The following SEPSECS variants were observed in gnomAD, a reference collection of about 807,000 sequenced individuals.
SEPSECS encodes Sep (O-phosphoserine) tRNA:Sec (selenocysteine) tRNA synthase.
SEPSECS carries 42 observed loss-of-function variants against 52.1 expected under a neutral mutation model. The observed-to-expected ratio is 0.81, with a 90% CI of 0.63 to 1.04. The LOEUF is 1.04. SEPSECS is among the 50% of genes least tolerant of loss of function. The pLI is 0.00. For synonymous variants in SEPSECS, 216 were observed against 211.4 expected, an observed-to-expected ratio of 1.02 and a Z score of -0.19; for missense variants, 590 against 610.6, an observed-to-expected ratio of 0.97 and a Z score of 0.36.
Position 25,124,363 on chromosome 4 carries a change from A to G in SEPSECS, c.1212-138T>C, listed in dbSNP as rs1414988578. On this transcript the variant is annotated intron_variant, in intron 10 of 10. Transcript: ENST00000382103. The stretch of plus-strand genomic sequence containing the variant: ...AAACAGCCACAAATCATGGCCTACA[A>G]AAATAGACTGTATCGACTTTAAAAT... 6.7e-6 allele frequency: 5 copies of G among 742,790 alleles called. 1 individual carries two copies. The East Asian group carries it at 1.3e-4, about 20-fold the overall frequency. 46.0% of individuals were successfully genotyped at this position (742,790 alleles called of 1,614,324 possible).
rs796405525 is a variant in SEPSECS at position 25,120,220 on chromosome 4, C to T, written c.*3711G>A. 1.3e-5 allele frequency: 2 copies of T among 152,182 alleles called. No individual in the cohort carries two copies. Among genetic ancestry groups the T allele is most frequent in the African/African-American group, 4.8e-5 (2 of 41,558 alleles). The allele number at this position is 152,182 out of a possible 1,614,324, so 9.4% of individuals were successfully genotyped here. A position where few individuals can be genotyped will look rare whatever the true frequency, so the allele number is the denominator to read the frequency against. On this transcript the variant is annotated 3_prime_UTR_variant, in exon 11 of 11. Coordinates refer to ENST00000382103, the MANE Select transcript of SEPSECS (RefSeq NM_016955.4). ...TTTCTTTGTATTTCTCAAGTTGACA[C>T]CACTTGATAAAAAACAAAACAATAT...
At chr4:25,125,618 T>A in intron 10 of SEPSECS, 76 bp downstream of exon 10, 1 of 879,096 alleles carries the variant, frequency 1.1e-6, no homozygotes, top group Non-Finnish European at 1.9e-6. Flanking sequence ...TGGGGGACTA[T>A]TGTTGAGGAA....
chr4:25,159,521 G>C (rs1377071374), intron 1 of SEPSECS: 9 of 420,724 alleles, frequency 2.1e-5, no homozygotes, highest in Non-Finnish European at 4.3e-5. Flanking sequence ...CCTGTAATCC[G>C]AGCACTTTGG....
intron 2 of SEPSECS, among the ~76,000 whole-genome samples, chr4:25,158,130 C>A (rs535496709): frequency 1.3e-5 from 2 of 152,258 alleles, no homozygotes; most frequent in East Asian, 3.9e-4. Flanking sequence ...ACTTCCTCAC[C>A]ACTGAAATCT....
At chr4:25,152,983 T>C (rs1712399179) in intron 5 of SEPSECS, among the ~76,000 whole-genome samples, 1 of 152,000 alleles carries the variant, frequency 6.6e-6, no homozygotes, top group African/African-American at 2.4e-5. Flanking sequence ...ATAATACATG[T>C]CCTATTTCTA....
rs1313846300 is a variant in SEPSECS, at chr4:25,144,774, C to T, written c.1026G>A (p.Lys342=). 1.3e-6 allele frequency: 2 copies of T among 1,597,876 alleles called. No homozygotes were observed. Among genetic ancestry groups the T allele is most frequent in the East Asian group, 2.2e-5 (1 of 44,754 alleles). The change falls in exon 8 of 11, where the codon AAG becomes AAA. Residue 342 remains lysine (K), a splice_region_variant and synonymous_variant. Coordinates refer to ENST00000382103, the MANE Select transcript of SEPSECS (RefSeq NM_016955.4). ...NGYKKLLKER[K]EMFSYLSNQI... is the part of the protein sequence containing the mutation. ...TTCGACACCTAAAGGGAAAGCTTACCTTTCTTTCTTTTAGTAGCTTCTTAT... is the reference window on the plus strand; with the variant it reads ...TTCGACACCTAAAGGGAAAGCTTACTTTTCTTTCTTTTAGTAGCTTCTTAT...
intron 8 of SEPSECS, among the ~76,000 whole-genome samples, chr4:25,142,736 G>A (rs190191154): frequency 4.6e-5 from 7 of 152,214 alleles, no homozygotes; most frequent in South Asian, 2.1e-4. Flanking sequence ...AGACCATTGC[G>A]TTAAAAAGAA....
In SEPSECS at chr4:25,160,250, C is replaced by T. The variant is rs1202189248; in HGVS notation, c.114+6G>A. 7 of 1,553,078 alleles carry T rather than the reference C, an allele frequency of 4.5e-6. No homozygotes were observed. Among genetic ancestry groups the T allele is most frequent in the Non-Finnish European group, 6.1e-6 (7 of 1,147,646 alleles). On this transcript the variant is annotated splice_donor_region_variant and intron_variant, in intron 1 of 10. Transcript: ENST00000382103. ...GCGGCTGGGGAGGGGACCGACAGCT[C>T]GGTACCTTCTCCAGAAGCAGCCGTA...
Position 25,129,837 on chromosome 4 carries a change from T to C in SEPSECS, c.1027-2480A>G, listed in dbSNP as rs527577549. The stretch of plus-strand genomic sequence containing the variant: ...GAGGAGGATTCCTGGGTTTCATCCA[T>C]ATATTTTCATCTCCTATAAAGTAAT... On this transcript the variant is annotated intron_variant, in intron 8 of 10. Transcript: ENST00000382103. Among the ~76,000 whole-genome samples the C allele has an allele frequency of 7.2e-4, 109 of 152,336 alleles. 1 individual carries two copies. The South Asian group carries it at 0.02, about 28-fold the overall frequency.
chr4:25,155,066 T>A lies in SEPSECS; in HGVS notation c.633A>T (p.Glu211Asp), dbSNP rs746421570. The A allele has an allele frequency of 4.3e-6, 7 of 1,614,116 alleles. No individual in the cohort carries two copies. The Admixed American group carries it at 1.2e-4, about 27-fold the overall frequency. Reference protein sequence around the residue: ...DLKAVEAKVQELGPDCILCIH... With the variant: ...DLKAVEAKVQDLGPDCILCIH... ...TACACAGAATGCAATCAGGCCCAAG[T>A]TCCTGGACTTTAGCCTCCACTGCTT... Residue 211 changes from glutamate to aspartate, a missense_variant, in exon 5 of 11, where the codon GAA (glutamate) becomes GAT (aspartate). Glu to Asp is a conservative substitution (Grantham distance 45). Transcript: ENST00000382103.
chr4:25,143,103 C>T (rs1263384805), intron 8 of SEPSECS, among the ~76,000 whole-genome samples: 1 of 152,208 alleles, frequency 6.6e-6, no homozygotes, highest in Admixed American at 6.5e-5. Flanking sequence ...ACAGTCTTCT[C>T]TTGGCTACAA....
chr4:25,145,541 C>T (rs1251570148), intron 6 of SEPSECS, among the ~76,000 whole-genome samples: 2 of 152,200 alleles, frequency 1.3e-5, no homozygotes, highest in African/African-American at 2.4e-5. Flanking sequence ...GAGGCAAGCA[C>T]GGTTTCAGTA....
intron 6 of SEPSECS, among the ~76,000 whole-genome samples, chr4:25,145,589 C>T (rs1265403054): frequency 2.0e-5 from 3 of 152,210 alleles, no homozygotes; most frequent in Non-Finnish European, 2.9e-5. Flanking sequence ...CAAAGCTTTA[C>T]ACCTTAAAAT....
chr4:25,129,960 A>G (rs2109491102), intron 8 of SEPSECS, among the ~76,000 whole-genome samples: 1 of 152,316 alleles, frequency 6.6e-6, no homozygotes, highest in Non-Finnish European at 1.5e-5. Context: ...ATAATTCACC[A>G]AAGTCTTAAC....
At chr4:25,138,372 C>T (rs1728926611) in intron 8 of SEPSECS, among the ~76,000 whole-genome samples, 1 of 151,922 alleles carries the variant, frequency 6.6e-6, no homozygotes, top group Admixed American at 6.5e-5. Flanking sequence ...GTAATCCCAA[C>T]ACTTTGGGAG....
intron 6 of SEPSECS, among the ~76,000 whole-genome samples, chr4:25,147,848 T>G (rs1372579841): frequency 1.3e-5 from 2 of 152,216 alleles, no homozygotes; most frequent in African/African-American, 4.8e-5. Context: ...CAATATTATT[T>G]TCTCAAGAAA....
chr4:25,128,499 C>A (rs1041378273), intron 8 of SEPSECS, among the ~76,000 whole-genome samples: 4 of 151,830 alleles, frequency 2.6e-5, no homozygotes, highest in Non-Finnish European at 5.9e-5. Context: ...AAAATTGTCC[C>A]ACTCTGAAAA....
intron 6 of SEPSECS, among the ~76,000 whole-genome samples, chr4:25,150,425 G>A (rs989838321): frequency 3.3e-5 from 5 of 152,320 alleles, no homozygotes; most frequent in African/African-American, 1.2e-4. Context: ...TGAGGGCACA[G>A]CAGTGAACAA....
chr4:25,153,923 T>G (rs1310152906), intron 5 of SEPSECS, among the ~76,000 whole-genome samples: 1 of 152,020 alleles, frequency 6.6e-6, no homozygotes, highest in Non-Finnish European at 1.5e-5. Flanking sequence ...TTAGTCAAAA[T>G]GAAACGAAAG....
Sources: allele counts gnomAD v4.1 joint callset (sites outside exome capture counted in the v4.1 genomes callset), GRCh38; gene constraint gnomAD v4.1.1; transcripts MANE v1.5; gene names NCBI Gene and HGNC (gene_info 2026-07-23, HGNC 2026-07-21).